SDC2: variants seen among roughly 807,000 people sequenced by gnomAD.
SDC2 encodes the protein syndecan-2.
Under a neutral mutation model 22.2 loss-of-function variants are expected in SDC2, and 13 were observed. The ratio of observed to expected loss-of-function variants is 0.59; its 90% CI spans 0.38 to 0.93. The LOEUF (loss-of-function observed/expected upper bound fraction) is 0.93. Among genes scored for constraint, SDC2 ranks in the 40% least tolerant of loss-of-function variants. The pLI, the probability that SDC2 is intolerant of heterozygous loss-of-function variation, is 0.00. For synonymous variants in SDC2, 94 were observed against 92.8 expected (o/e 1.01, Z -0.07); for missense variants, 235 against 246.8 (o/e 0.95, Z 0.32).
intron 1 of SDC2, among the ~76,000 whole-genome samples, chr8:96,519,434 G>A (rs1197360217): frequency 6.6e-6 from 1 of 152,114 alleles, no homozygotes; most frequent in Non-Finnish European, 1.5e-5. Context: ...AGAGAATAAG[G>A]ATTAAAGAAG....
chr8:96,549,770 A>G (rs1040954310), intron 1 of SDC2, among the ~76,000 whole-genome samples: 3 of 152,224 alleles, frequency 2.0e-5, no homozygotes, highest in South Asian at 4.1e-4. Context: ...AGTATTTACT[A>G]TTAAATTTGA....
chr8:96,530,181 G>A (rs874644), intron 1 of SDC2, among the ~76,000 whole-genome samples: 34,787 of 152,048 alleles, frequency 0.23, 4,870 homozygotes, highest in African/African-American at 0.4. Flanking sequence ...GATTGTGATT[G>A]TTTTGTCTAA....
At chr8:96,560,627 T>C (rs1409196145) in intron 1 of SDC2, among the ~76,000 whole-genome samples, 1 of 152,198 alleles carries the variant, frequency 6.6e-6, no homozygotes, top group Non-Finnish European at 1.5e-5. Context: ...GGAGTTTTTC[T>C]GAATTTCCCT....
Position 96,546,568 on chromosome 8 carries a change from A to G in SDC2, c.61-46912A>G, listed in dbSNP as rs548100029. Among the ~76,000 whole-genome samples, 4 of 152,300 alleles carry G rather than the reference A, an allele frequency of 2.6e-5. No individual in the cohort carries two copies. The South Asian group carries it at 8.3e-4, about 32-fold the overall frequency. Reference sequence around the variant, plus strand: ...TTATTTTTGCTTGGGTGGGTGTGCCATTATTAATAATAAGCCAGGGGAATA... The same window carrying G: ...TTATTTTTGCTTGGGTGGGTGTGCCGTTATTAATAATAAGCCAGGGGAATA... On this transcript the variant is annotated intron_variant, in intron 1 of 4. Transcript: ENST00000302190.
intron 1 of SDC2, among the ~76,000 whole-genome samples, chr8:96,509,861 G>A (rs115458477): frequency 0.013 from 1,956 of 152,284 alleles, 34 homozygotes; most frequent in African/African-American, 0.044. Flanking sequence ...GTGTGGAATT[G>A]GGAAATCCTT....
At chr8:96,553,829 C>G (rs1814066276) in intron 1 of SDC2, among the ~76,000 whole-genome samples, 1 of 151,712 alleles carries the variant, frequency 6.6e-6, no homozygotes, top group Non-Finnish European at 1.5e-5. Context: ...CTGGAGTACA[C>G]TGGCACAATC....
intron 3 of SDC2, 118 bp from the exon 4 acceptor site, chr8:96,608,217 T>A (rs1462187292): frequency 3.5e-5 from 30 of 855,658 alleles, no homozygotes; most frequent in Non-Finnish European, 4.8e-5. Flanking sequence ...TTATTCCAGT[T>A]ATTTCCTAAA....
At chr8:96,592,864 C>T (rs955870860) in intron 1 of SDC2, among the ~76,000 whole-genome samples, 1 of 152,224 alleles carries the variant, frequency 6.6e-6, no homozygotes, top group South Asian at 2.1e-4. Flanking sequence ...GTGAGCCTCA[C>T]GGGCGCTGCT....
chr8:96,609,557 C>G lies in SDC2; in HGVS notation c.*9C>G, dbSNP rs1313794812. ...AGGAGTTTTATGCGTAAAACTCCAA[C>G]TTAGTGTCTCTATTTATGAGATCAC... On this transcript the variant is annotated 3_prime_UTR_variant, in exon 5 of 5. Coordinates refer to ENST00000302190, the MANE Select transcript of SDC2 (RefSeq NM_002998.4). The G allele has an allele frequency of 3.8e-6, 6 of 1,567,440 alleles. No individual in the cohort carries two copies. The Admixed American group carries it at 1.1e-4, about 29-fold the overall frequency.
chr8:96,603,428 A>G (rs999280884), intron 3 of SDC2, among the ~76,000 whole-genome samples: 1 of 152,208 alleles, frequency 6.6e-6, no homozygotes, highest in African/African-American at 2.4e-5. Flanking sequence ...AGACTTTGCA[A>G]TCAGTGCAGG....
chr8:96,550,463 A>G (rs906524432), intron 1 of SDC2, among the ~76,000 whole-genome samples: 1 of 152,324 alleles, frequency 6.6e-6, no homozygotes, highest in Non-Finnish European at 1.5e-5. Flanking sequence ...TTGGTGGAGA[A>G]TGTTGACAGT....
intron 2 of SDC2, among the ~76,000 whole-genome samples, chr8:96,598,934 CTCTA>C (rs1238244696): frequency 1.4e-5 from 2 of 145,792 alleles, no homozygotes; most frequent in African/African-American, 2.5e-5. Flanking sequence ...GCCCATCTGT[CTCTA>C]TCTTTTTTTT....
rs1190892206 is a variant in SDC2 at position 96,610,307 on chromosome 8, G to A, written c.*759G>A. 1 of 152,606 alleles carries A rather than the reference G, an allele frequency of 6.6e-6. No homozygotes were observed. Among genetic ancestry groups the A allele is most frequent in the African/African-American group, 2.4e-5 (1 of 41,442 alleles). 9.5% of individuals were successfully genotyped at this position (152,606 alleles called of 1,614,324 possible). On this transcript the variant is annotated 3_prime_UTR_variant, in exon 5 of 5. Transcript: ENST00000302190. ...CTCAGCAAACCCAAAGATGTTAACAGTATTTTAAGAAGTTGCTGCAGATTC... is the reference window on the plus strand; with the variant it reads ...CTCAGCAAACCCAAAGATGTTAACAATATTTTAAGAAGTTGCTGCAGATTC...
At chr8:96,495,677 C>G (rs987956719) in intron 1 of SDC2, among the ~76,000 whole-genome samples, 1 of 152,174 alleles carries the variant, frequency 6.6e-6, no homozygotes, top group Admixed American at 6.5e-5. Flanking sequence ...CTCCCTCCCC[C>G]CCTTTTTTGT....
At position 96,501,417 on chromosome 8, in the gene SDC2, G is replaced by A. The variant is rs1004518418; in HGVS notation, c.60+7086G>A. Among the ~76,000 whole-genome samples, 42 of 141,302 alleles carry A rather than the reference G, an allele frequency of 3.0e-4. 1 individual carries two copies. The highest frequency in any genetic ancestry group is 2.1e-4 in the Non-Finnish European group (14 of 66,718). 92.7% of individuals were successfully genotyped at this position (141,302 alleles called of 152,430 possible). A position where few individuals can be genotyped will look rare whatever the true frequency, so the allele number is the denominator to read the frequency against. ...CTCCCCCCGTTCAAGTGAATCTCCT[G>A]CCTCAACCTCCCGAGTAGCTGGGAT... On this transcript the variant is annotated intron_variant, in intron 1 of 4. Coordinates refer to ENST00000302190, the MANE Select transcript of SDC2 (RefSeq NM_002998.4).
chr8:96,561,410 A>G (rs920006577), intron 1 of SDC2, among the ~76,000 whole-genome samples: 1 of 152,210 alleles, frequency 6.6e-6, no homozygotes, highest in Non-Finnish European at 1.5e-5. Context: ...AGTGCCTTTC[A>G]TACTGTAGCA....
rs1269466079 is a variant in SDC2, at chr8:96,609,736, C to G, written c.*188C>G. 4.6e-6 allele frequency: 2 copies of G among 434,616 alleles called. No homozygotes were observed. The highest frequency in any genetic ancestry group is 7.9e-6 in the Non-Finnish European group (2 of 251,642). The allele number at this position is 434,616 out of a possible 1,614,324, so 26.9% of individuals were successfully genotyped here. A position where few individuals can be genotyped will look rare whatever the true frequency, so the allele number is the denominator to read the frequency against. ...AGAACAACATAAAATTAAAATTTAA[C>G]ATCTGCAGTGTTCTGTGAATAGCAG... On this transcript the variant is annotated 3_prime_UTR_variant, in exon 5 of 5. Coordinates refer to ENST00000302190, the MANE Select transcript of SDC2 (RefSeq NM_002998.4).
intron 1 of SDC2, among the ~76,000 whole-genome samples, chr8:96,578,097 A>G (rs1366381948): frequency 6.6e-6 from 1 of 152,226 alleles, no homozygotes; most frequent in Non-Finnish European, 1.5e-5. Flanking sequence ...CCAGATATGT[A>G]GTGCCAAGGG....
At chr8:96,540,376 A>C (rs1813828484) in intron 1 of SDC2, among the ~76,000 whole-genome samples, 1 of 147,938 alleles carries the variant, frequency 6.8e-6, no homozygotes, top group Non-Finnish European at 1.5e-5. Flanking sequence ...CGGGTGTGGC[A>C]GTGTTTGCCT....
Sources: gnomAD v4.1 joint callset for allele counts (sites outside exome capture counted in the v4.1 genomes callset) on GRCh38, gnomAD v4.1.1 for gene constraint, MANE v1.5 for transcripts, NCBI Gene and HGNC (gene_info 2026-07-23, HGNC 2026-07-21) for gene names.